MAGI1: variants seen among roughly 807,000 people sequenced by gnomAD.
MAGI1 encodes the protein membrane associated guanylate kinase, WW and PDZ domain containing 1.
In MAGI1, 58 loss-of-function variants were observed where a neutral mutation model predicts 139.9. The observed-to-expected ratio is 0.41, with a 90% CI of 0.34 to 0.52. The LOEUF (loss-of-function observed/expected upper bound fraction) is 0.52, where lower values mean the gene tolerates loss of function less well. MAGI1 is among the 20% of genes least tolerant of loss of function. MAGI1 has a pLI of 0.12. For synonymous variants in MAGI1, 812 were observed against 737.9 expected (o/e 1.10, Z -1.63); for missense variants, 1,874 against 1,901.6 (o/e 0.99, Z 0.27).
At chr3:65,970,965 G>C (rs1001826679) in intron 1 of MAGI1, among the ~76,000 whole-genome samples, 4 of 152,198 alleles carry the variant, frequency 2.6e-5, no homozygotes, top group African/African-American at 9.6e-5. Flanking sequence ...AGCACTTTGG[G>C]AGGCCGAGGT....
chr3:65,443,352 G>A (rs1045958880), intron 7 of MAGI1, among the ~76,000 whole-genome samples: 14 of 152,154 alleles, frequency 9.2e-5, no homozygotes, highest in African/African-American at 3.4e-4. Flanking sequence ...TTTTTGAACT[G>A]CACACAACTA....
At chr3:65,914,707 C>G (rs2061818739) in intron 1 of MAGI1, among the ~76,000 whole-genome samples, 1 of 152,216 alleles carries the variant, frequency 6.6e-6, no homozygotes, top group African/African-American at 2.4e-5. Context: ...TTACAAATCA[C>G]AAAGTTGAGA....
intron 2 of MAGI1, chr3:65,499,060 T>TAAAAA: frequency 2.3e-6 from 2 of 859,680 alleles, no homozygotes; most frequent in Non-Finnish European, 2.8e-6. Context: ...AAACCGCTCT[T>TAAAAA]AAAAAAAAAA....
In MAGI1 at chr3:66,007,371, A is replaced by G. The variant is rs143218681; in HGVS notation, c.313+30625T>C. ...AACAGGTAAGAATCAAGTTGTAAAC[A>G]GAAGAATTAGGAAGCCAAAAAGCAG... On this transcript the variant is annotated intron_variant, in intron 1 of 22. Transcript: ENST00000402939. Among the ~76,000 whole-genome samples, 464 of 152,342 alleles carry G rather than the reference A, an allele frequency of 3.0e-3. 1 individual carries two copies. Among genetic ancestry groups the G allele is most frequent in the Non-Finnish European group, 5.0e-3 (340 of 68,032 alleles).
At chr3:65,671,354 G>A (rs1004420727) in intron 1 of MAGI1, among the ~76,000 whole-genome samples, 1 of 152,026 alleles carries the variant, frequency 6.6e-6, no homozygotes, top group Non-Finnish European at 1.5e-5. Context: ...CAGTATCCTC[G>A]GCTCTTACTG....
intron 1 of MAGI1, among the ~76,000 whole-genome samples, chr3:65,965,965 C>G (rs1486282008): frequency 6.6e-6 from 1 of 152,150 alleles, no homozygotes; most frequent in East Asian, 1.9e-4. Context: ...TCACCCTCCT[C>G]TTTATACTGC....
chr3:65,655,151 G>A (rs1033662410), intron 1 of MAGI1, among the ~76,000 whole-genome samples: 1 of 152,108 alleles, frequency 6.6e-6, no homozygotes, highest in African/African-American at 2.4e-5. Context: ...GTGGAGCGGG[G>A]ATGTCTCATT....
intron 12 of MAGI1, among the ~76,000 whole-genome samples, chr3:65,427,677 G>C (rs1033154415): frequency 6.6e-6 from 1 of 152,136 alleles, no homozygotes; most frequent in Admixed American, 6.5e-5. Context: ...CAGAACATTG[G>C]ACTGGAAACC....
At chr3:65,822,515 G>A (rs188559792) in intron 1 of MAGI1, among the ~76,000 whole-genome samples, 67 of 152,202 alleles carry the variant, frequency 4.4e-4, no homozygotes, top group East Asian at 2.7e-3. Context: ...GCAACAGAGC[G>A]AGACTCTGTC....
chr3:65,395,636 C>CAAAAAAAAAAAAAAAAAAAAAAAA lies in MAGI1; in HGVS notation c.2200-4279_2200-4278insTTTTTTTTTTTTTTTTTTTTTTTT, dbSNP rs58806140. On this transcript the variant is annotated intron_variant, in intron 13 of 22. Transcript: ENST00000402939. Reference sequence around the variant, plus strand: ...TGGGTGACAGAGCGAGACTCCATCTCAAAAAAAAAAAAAAAAAAAAAGAGG... The same window carrying CAAAAAAAAAAAAAAAAAAAAAAAA: ...TGGGTGACAGAGCGAGACTCCATCTCAAAAAAAAAAAAAAAAAAAAAAAAAAAAAAAAAAAAAAAAAAAAAGAGG... Among the ~76,000 whole-genome samples, 32 of 19,170 alleles carry CAAAAAAAAAAAAAAAAAAAAAAAA rather than the reference C, an allele frequency of 1.7e-3. 4 individuals carry two copies. The highest frequency in any genetic ancestry group is 3.0e-3 in the African/African-American group (17 of 5,756). The allele number at this position is 19,170 out of a possible 152,430, so 12.6% of individuals were successfully genotyped here.
intron 1 of MAGI1, among the ~76,000 whole-genome samples, chr3:65,917,982 G>C (rs184048183): frequency 5.3e-5 from 8 of 152,288 alleles, no homozygotes; most frequent in Admixed American, 5.2e-4. Flanking sequence ...GTACCACCTT[G>C]GTGGGGGACG....
At chr3:65,371,390 A>T (rs1294354979) in intron 18 of MAGI1, among the ~76,000 whole-genome samples, 1 of 152,216 alleles carries the variant, frequency 6.6e-6, no homozygotes, top group African/African-American at 2.4e-5. Flanking sequence ...ATTATGTTTA[A>T]AAACACTACA....
At chr3:65,876,500 T>C (rs566647768) in intron 1 of MAGI1, among the ~76,000 whole-genome samples, 1 of 152,060 alleles carries the variant, frequency 6.6e-6, no homozygotes, top group Non-Finnish European at 1.5e-5. Flanking sequence ...CTCAACTTCT[T>C]TACCAGGGAT....
At chr3:65,501,784 C>T (rs1020279847) in intron 2 of MAGI1, among the ~76,000 whole-genome samples, 2 of 152,162 alleles carry the variant, frequency 1.3e-5, no homozygotes, top group Admixed American at 6.6e-5. Flanking sequence ...GCATAATCAA[C>T]CAAAACTTTA....
intron 10 of MAGI1, among the ~76,000 whole-genome samples, chr3:65,434,130 C>T (rs1266766854): frequency 6.6e-6 from 1 of 152,086 alleles, no homozygotes; most frequent in Non-Finnish European, 1.5e-5. Flanking sequence ...TAAACTATTC[C>T]TCATGTATAG....
At chr3:65,749,439 T>C (rs1426665886) in intron 1 of MAGI1, among the ~76,000 whole-genome samples, 1 of 152,064 alleles carries the variant, frequency 6.6e-6, no homozygotes, top group Non-Finnish European at 1.5e-5. Context: ...CCAAACATCA[T>C]ACGTTCTCAC....
At chr3:65,517,125 T>C (rs1380184536) in intron 2 of MAGI1, among the ~76,000 whole-genome samples, 1 of 152,144 alleles carries the variant, frequency 6.6e-6, no homozygotes, top group Non-Finnish European at 1.5e-5. Context: ...TGGCTTCATA[T>C]CTCATTCTGC....
At chr3:65,977,649 T>A (rs1317185833) in intron 1 of MAGI1, among the ~76,000 whole-genome samples, 1 of 150,264 alleles carries the variant, frequency 6.7e-6, no homozygotes, top group East Asian at 2.0e-4. Context: ...TGGCAGAGGT[T>A]GCAGTGAGCC....
intron 1 of MAGI1, among the ~76,000 whole-genome samples, chr3:66,016,526 C>CAG (rs1384489030): frequency 6.6e-6 from 1 of 152,286 alleles, no homozygotes; most frequent in African/African-American, 2.4e-5. Context: ...GCGACGAGGA[C>CAG]ACGTTGCTGG....
Sources: gnomAD v4.1 joint callset for allele counts (sites outside exome capture counted in the v4.1 genomes callset) on GRCh38, gnomAD v4.1.1 for gene constraint, MANE v1.5 for transcripts, NCBI Gene and HGNC (gene_info 2026-07-23, HGNC 2026-07-21) for gene names.